The following DHX34 variants were observed in gnomAD, a reference collection of about 807,000 sequenced individuals.
DHX34 encodes DExH-box helicase 34.
DHX34 carries 96 observed loss-of-function variants against 111.1 expected under a neutral mutation model. The observed-to-expected ratio is 0.86, with a 90% CI of 0.73 to 1.02. The LOEUF (loss-of-function observed/expected upper bound fraction) is 1.02, where lower values mean the gene tolerates loss of function less well. Ranked by LOEUF, DHX34 falls within the 50% of genes least tolerant of loss-of-function variation. The probability of loss-of-function intolerance (pLI) is 0.00; values close to 1 mark genes in which losing one functional copy is unlikely to be tolerated. For synonymous variants in DHX34, 688 were observed against 670.4 expected, an observed-to-expected ratio of 1.03 and a Z score of -0.41; for missense variants, 1,560 against 1,579.9, an observed-to-expected ratio of 0.99 and a Z score of 0.21.
chr19:47,359,706 C>T (rs576105891), intron 4 of DHX34: 14 of 303,400 alleles, frequency 4.6e-5, no homozygotes, highest in East Asian at 1.7e-4. Context: ...TGCTTGAACC[C>T]GGGAGGCAGA....
chr19:47,376,689 G>T (rs1970174095), intron 12 of DHX34, 129 bp downstream of exon 12: 1 of 1,459,148 alleles, frequency 6.9e-7, no homozygotes, highest in East Asian at 2.5e-5. Context: ...GCCCACAGGA[G>T]GGGAAGTTCC....
chr19:47,372,802 T>G lies in DHX34; in HGVS notation c.1841T>G (p.Val614Gly). ...PVLTIAAALS[V>G]QSPFTRSAQS... Reference sequence around the variant, plus strand: ...CTCACCATCGCAGCCGCACTTAGCGTCCAGTCGCCCTTCACCCGCAGCGCC... The same window carrying G: ...CTCACCATCGCAGCCGCACTTAGCGGCCAGTCGCCCTTCACCCGCAGCGCC... The change falls in exon 8 of 17, where the codon GTC (valine) becomes GGC (glycine). Residue 614 changes from valine (V) to glycine (G), a missense_variant. Physicochemically the swap from Val to Gly is moderately radical, Grantham distance 109. Coordinates refer to ENST00000328771, the MANE Select transcript of DHX34 (RefSeq NM_014681.6). The G allele has an allele frequency of 6.2e-7, 1 of 1,613,148 alleles. No homozygotes were observed. The highest frequency in any genetic ancestry group is 8.5e-7 in the Non-Finnish European group (1 of 1,179,832).
chr19:47,376,710 C>G, intron 12 of DHX34, 150 bp downstream of exon 12: 1 of 1,427,504 alleles, frequency 7.0e-7, no homozygotes, highest in Non-Finnish European at 9.3e-7. Context: ...AGGGCCAGGC[C>G]TCCCTGGGTA....
intron 6 of DHX34, among the ~76,000 whole-genome samples, chr19:47,365,622 G>A (rs1969767310): frequency 6.6e-6 from 1 of 152,138 alleles, no homozygotes; most frequent in Non-Finnish European, 1.5e-5. Context: ...AGGGAGGAAG[G>A]AGCAGCAGCT....
intron 6 of DHX34, 122 bp downstream of exon 6, chr19:47,362,815 G>C: frequency 1.0e-6 from 1 of 979,650 alleles, no homozygotes; most frequent in South Asian, 2.0e-5. Context: ...CTGTCACTCA[G>C]GCTAGAGTGC....
At chr19:47,377,005 C>T in intron 12 of DHX34, 95 bp from the exon 13 acceptor site, 1 of 1,592,208 alleles carries the variant, frequency 6.3e-7, no homozygotes, top group Non-Finnish European at 8.5e-7. Context: ...CATACTCTTT[C>T]TATCGATGTG....
At position 47,353,552 on chromosome 19, in the gene DHX34, G is replaced by A. The variant is rs1969358225; in HGVS notation, c.522G>A (p.Thr174=). The A allele has an allele frequency of 4.3e-6, 7 of 1,613,220 alleles. No individual in the cohort carries two copies. The highest frequency in any genetic ancestry group is 5.9e-6 in the Non-Finnish European group (7 of 1,180,018). The change falls in exon 2 of 17, where the codon ACG becomes ACA. Residue 174 remains threonine, a synonymous_variant. Coordinates refer to ENST00000328771, the MANE Select transcript of DHX34 (RefSeq NM_014681.6). The surrounding 1 kb of genome is among the most constrained non-coding windows in gnomAD (Gnocchi z 4.6). ...AGTATGGGAACCGCATCCTGCAGAC[G>A]CTGAAGGAGCACCAGGTGGTGGTAG... The part of the protein sequence containing the change: ...IAQYGNRILQ[T]LKEHQVVVVA...
At chr19:47,355,563 A>C (rs1024489528) in intron 3 of DHX34, among the ~76,000 whole-genome samples, 1 of 152,150 alleles carries the variant, frequency 6.6e-6, no homozygotes, top group African/African-American at 2.4e-5. Context: ...GAAGACCCAA[A>C]AATGGCTGGG....
In DHX34 at chr19:47,373,615, G is replaced by A. The variant is rs148191790; in HGVS notation, c.1979G>A (p.Ser660Asn). 1 of 1,613,856 alleles carries A rather than the reference G, an allele frequency of 6.2e-7. No individual in the cohort carries two copies. Among genetic ancestry groups the A allele is most frequent in the Non-Finnish European group, 8.5e-7 (1 of 1,179,942 alleles). The change falls in exon 9 of 17, where the codon AGC becomes AAC. Residue 660 changes from serine (S) to asparagine (N), a missense_variant. By Grantham distance (46) the Ser-to-Asn change is conservative. Transcript: ENST00000328771. ...TCCACCCAGGTGAAATCTGAACGGA[G>A]CAGAAACTCTCGCAAGTGGTGCCGC... Reference protein sequence around the residue: ...NAWVQVKSERSRNSRKWCRRR... With the variant: ...NAWVQVKSERNRNSRKWCRRR...
In DHX34 at chr19:47,361,805, G is replaced by A. The variant is rs139362162; in HGVS notation, c.1376-671G>A. The stretch of plus-strand genomic sequence containing the variant: ...GAAAAGAAAGAAAATGTAAAAAAAG[G>A]TTGTTCTGACACTGGAGGAAATATG... On this transcript the variant is annotated intron_variant, in intron 5 of 16. Coordinates refer to ENST00000328771, the MANE Select transcript of DHX34 (RefSeq NM_014681.6). Among the ~76,000 whole-genome samples the A allele has an allele frequency of 4.7e-3, 712 of 152,192 alleles. 2 individuals are homozygous for A. The highest frequency in any genetic ancestry group is 8.3e-3 in the Non-Finnish European group (563 of 67,996).
intron 6 of DHX34, among the ~76,000 whole-genome samples, chr19:47,363,409 T>C (rs1969694915): frequency 6.6e-6 from 1 of 151,550 alleles, no homozygotes; most frequent in African/African-American, 2.4e-5. Flanking sequence ...AGCATTTACA[T>C]AGGACCCAAC....
intron 16 of DHX34, chr19:47,381,652 G>C (rs996599960): frequency 1.7e-6 from 1 of 599,848 alleles, no homozygotes; most frequent in Non-Finnish European, 2.8e-6. Flanking sequence ...CCTCCACCCT[G>C]TTGTCACCCA....
At chr19:47,358,358 A>G (rs546426927) in intron 4 of DHX34, among the ~76,000 whole-genome samples, 59 of 152,140 alleles carry the variant, frequency 3.9e-4, no homozygotes, top group Non-Finnish European at 6.3e-4. Context: ...TGTCAGTCCT[A>G]TCGACCATGG....
rs1451504655 is a variant in DHX34, at chr19:47,381,260, CA to C, written c.3235del (p.Thr1079ArgfsTer78). On this transcript the variant is annotated frameshift_variant, in exon 16 of 17. Coordinates refer to ENST00000328771, the MANE Select transcript of DHX34 (RefSeq NM_014681.6). LOFTEE classifies it high-confidence loss of function. ...CCCACTGTGGCCTGCATGCGCCCCT[CA>C]CGCCCCTGGAGCGCATCGCCCATGA... ...CPHCGLHAPLTPLERIAHENT... is the reference protein window; with the variant it reads ...CPHCGLHAPLXPLERIAHENT... The C allele has an allele frequency of 5.0e-6, 8 of 1,613,988 alleles. No individual in the cohort carries two copies. Among genetic ancestry groups the C allele is most frequent in the Non-Finnish European group, 6.8e-6 (8 of 1,179,970 alleles).
chr19:47,381,391 C>T, intron 16 of DHX34, 67 bp downstream of exon 16: 1 of 1,563,324 alleles, frequency 6.4e-7, no homozygotes, highest in Non-Finnish European at 8.7e-7. Context: ...TGATGGTCTC[C>T]TGTGCGTGTG....
At chr19:47,377,534 C>T (rs2463089) in intron 13 of DHX34, among the ~76,000 whole-genome samples, 15,065 of 149,956 alleles carry the variant, frequency 0.1, 1,038 homozygotes, top group African/African-American at 0.2. Flanking sequence ...CCCTGAGCGA[C>T]GTGTGGGAGG....
chr19:47,378,895 C>T (rs900401831), intron 13 of DHX34, among the ~76,000 whole-genome samples: 2 of 151,624 alleles, frequency 1.3e-5, no homozygotes, highest in African/African-American at 4.9e-5. Context: ...TTTGGGAGGC[C>T]GAGGTGTGTG....
At chr19:47,364,175 A>G (rs535322116) in intron 6 of DHX34, among the ~76,000 whole-genome samples, 1 of 152,204 alleles carries the variant, frequency 6.6e-6, no homozygotes, top group African/African-American at 2.4e-5. Flanking sequence ...GGAAGTGAGT[A>G]CAGGAGGGTT....
At chr19:47,367,975 A>G (rs188346611) in intron 7 of DHX34, among the ~76,000 whole-genome samples, 3 of 152,250 alleles carry the variant, frequency 2.0e-5, no homozygotes, top group African/African-American at 7.2e-5. Flanking sequence ...TAATATACCT[A>G]AAACATCACA....
Sources: allele counts gnomAD v4.1 joint callset (sites outside exome capture counted in the v4.1 genomes callset), GRCh38; gene constraint gnomAD v4.1.1; non-coding constraint Gnocchi (gnomAD v3.1); transcripts MANE v1.5; gene names NCBI Gene and HGNC (gene_info 2026-07-23, HGNC 2026-07-21).